Variants in NINL observed in about 807,000 individuals in gnomAD.
NINL encodes ninein like, also known as ninein-like protein.
A neutral mutation model predicts 160.3 loss-of-function variants in NINL; 153 were observed. That is an observed-to-expected ratio of 0.95 (90% confidence interval 0.84 to 1.09). The LOEUF is 1.09. NINL is among the 50% of genes least tolerant of loss of function. The pLI is 0.00. For missense variants in NINL, 1,829 were observed against 1,764.0 expected, an observed-to-expected ratio of 1.04 and a Z score of -0.66; for synonymous variants, 800 against 734.8, an observed-to-expected ratio of 1.09 and a Z score of -1.43.
At chr20:25,477,198 G>A (rs1185681122) in intron 16 of NINL, 109 bp from the exon 17 acceptor site, 1 of 1,098,318 alleles carries the variant, frequency 9.1e-7, no homozygotes, top group Admixed American at 2.8e-5. Context: ...CTCTGTGGTT[G>A]GCTTTCTTTA....
intron 1 of NINL, among the ~76,000 whole-genome samples, chr20:25,549,529 A>G (rs1274736867): frequency 6.6e-6 from 1 of 152,226 alleles, no homozygotes; most frequent in Non-Finnish European, 1.5e-5. Context: ...ACCCTCCATC[A>G]ATGTCTGCTG....
At chr20:25,532,055 T>C (rs1016168768) in intron 1 of NINL, among the ~76,000 whole-genome samples, 1 of 152,168 alleles carries the variant, frequency 6.6e-6, no homozygotes, top group African/African-American at 2.4e-5. Context: ...GACAGCTCTG[T>C]GTGTGGCCAG....
intron 7 of NINL, among the ~76,000 whole-genome samples, chr20:25,502,832 C>A (rs536770255): frequency 6.6e-6 from 1 of 152,298 alleles, no homozygotes; most frequent in African/African-American, 2.4e-5. Flanking sequence ...GAGGCCTCCC[C>A]AGAAGCAGCC....
chr20:25,466,802 A>T (rs1383981686), intron 19 of NINL, among the ~76,000 whole-genome samples: 1 of 151,864 alleles, frequency 6.6e-6, no homozygotes, highest in Non-Finnish European at 1.5e-5. Flanking sequence ...TGTGTCTCAA[A>T]AAAAACCCCC....
In NINL at chr20:25,462,554, G is replaced by A; in HGVS notation, c.3424-13C>T. 6.3e-7 allele frequency: 1 copy of A among 1,590,394 alleles called. No individual in the cohort carries two copies. Among genetic ancestry groups the A allele is most frequent in the South Asian group, 1.2e-5 (1 of 86,802 alleles). ...TGTAGTTCTGATTCTGGGGGAAAAA[G>A]TTTTTAAATACATAAGAAAAAAATG... On this transcript the variant is annotated splice_polypyrimidine_tract_variant and intron_variant, in intron 19 of 23. Coordinates refer to ENST00000278886, the MANE Select transcript of NINL (RefSeq NM_025176.6).
In NINL at chr20:25,461,502, C is replaced by A; in HGVS notation, c.3696+20G>T. On this transcript the variant is annotated intron_variant, in intron 21 of 23. Coordinates refer to ENST00000278886, the MANE Select transcript of NINL (RefSeq NM_025176.6). ...CAGGTGGGACTGGACCCAGTGCCTC[C>A]AGCCATCGCTCACACCCACCTGGTC... 1 of 1,461,114 alleles carries A rather than the reference C, an allele frequency of 6.8e-7. No homozygotes were observed. The highest frequency in any genetic ancestry group is 2.2e-5 in the Admixed American group (1 of 45,328). The allele number at this position is 1,461,114 out of a possible 1,614,324, so 90.5% of individuals were successfully genotyped here. A position where few individuals can be genotyped will look rare whatever the true frequency, so the allele number is the denominator to read the frequency against.
At chr20:25,499,680 G>C (rs1374374142) in intron 8 of NINL, among the ~76,000 whole-genome samples, 1 of 152,066 alleles carries the variant, frequency 6.6e-6, no homozygotes, top group Admixed American at 6.6e-5. Flanking sequence ...CGCCAATGAG[G>C]GTCTTGGTCT....
intron 1 of NINL, 137 bp downstream of exon 1, chr20:25,585,318 A>T (rs2065217343): frequency 6.6e-6 from 1 of 152,204 alleles, no homozygotes; most frequent in Admixed American, 6.5e-5. Context: ...TGCGCCCCGC[A>T]CCGCGAGGAG....
At position 25,458,274 on chromosome 20, in the gene NINL, G is replaced by A. The variant is rs1257432654; in HGVS notation, c.3843+109C>T. 9 of 1,373,292 alleles carry A rather than the reference G, an allele frequency of 6.6e-6. No homozygotes were observed. The East Asian group carries it at 6.8e-5, about 10-fold the overall frequency. 85.1% of individuals were successfully genotyped at this position (1,373,292 alleles called of 1,614,324 possible). ...CCTTACCATCTGACATGCTACATAC[G>A]TGACTCATGTATTCACAGTTGTGCA... is the stretch of plus-strand genomic sequence containing the variant. On this transcript the variant is annotated intron_variant, in intron 22 of 23. Coordinates refer to ENST00000278886, the MANE Select transcript of NINL (RefSeq NM_025176.6).
chr20:25,465,587 G>A (rs1353508671), intron 19 of NINL, among the ~76,000 whole-genome samples: 1 of 152,038 alleles, frequency 6.6e-6, no homozygotes, highest in East Asian at 1.9e-4. Flanking sequence ...GGTCCCCGAC[G>A]ACTCCAACCC....
chr20:25,461,045 C>T (rs1174983467), intron 21 of NINL, among the ~76,000 whole-genome samples: 4 of 152,202 alleles, frequency 2.6e-5, no homozygotes, highest in East Asian at 1.9e-4. Context: ...TCCCGGACCA[C>T]GAGCCCCTGC....
At chr20:25,537,332 C>T (rs953475097) in intron 1 of NINL, among the ~76,000 whole-genome samples, 6 of 152,212 alleles carry the variant, frequency 3.9e-5, no homozygotes, top group African/African-American at 7.2e-5. Context: ...ATCCTTCTAC[C>T]GGGGCCTCCC....
rs76432372 is a variant in NINL at position 25,565,667 on chromosome 20, T to G, written c.-12+19788A>C. Among the ~76,000 whole-genome samples, 511 of 152,278 alleles carry G rather than the reference T, an allele frequency of 3.4e-3. 2 individuals are homozygous for G. The highest frequency in any genetic ancestry group is 0.012 in the African/African-American group (492 of 41,536). On this transcript the variant is annotated intron_variant, in intron 1 of 23. Transcript: ENST00000278886. ...CATCTTGACTGAATAAAGAAATACG[T>G]AGAAACCCGCTAGGGCATTATGTTT...
chr20:25,572,767 G>A (rs2065068776), intron 1 of NINL, among the ~76,000 whole-genome samples: 1 of 152,138 alleles, frequency 6.6e-6, no homozygotes, highest in Admixed American at 6.5e-5. Flanking sequence ...CACGGAAAAT[G>A]TCTCTTCCAG....
At chr20:25,569,284 G>A (rs1280402808) in intron 1 of NINL, among the ~76,000 whole-genome samples, 1 of 151,152 alleles carries the variant, frequency 6.6e-6, no homozygotes, top group African/African-American at 2.4e-5. Context: ...ATTAGTAATA[G>A]AAAGATACAA....
rs1285639330 is a variant in NINL, at chr20:25,476,613, G to A, written c.2678C>T (p.Pro893Leu). ...QDTEATQSPA[P>L]APAPASHGPS... ...GCCGTGGGATGCCGGGGCAGGGGCG[G>A]GGGCCGGGCTCTGCGTAGCTTCTGT... The change falls in exon 17 of 24, where the codon CCC (proline) becomes CTC (leucine). Residue 893 changes from proline to leucine, a missense_variant. Transcript: ENST00000278886. The A allele has an allele frequency of 6.3e-7, 1 of 1,595,104 alleles. No homozygotes were observed. Among genetic ancestry groups the A allele is most frequent in the Admixed American group, 1.7e-5 (1 of 59,406 alleles).
At chr20:25,507,669 C>T (rs1430439090) in intron 5 of NINL, among the ~76,000 whole-genome samples, 1 of 152,186 alleles carries the variant, frequency 6.6e-6, no homozygotes, top group African/African-American at 2.4e-5. Context: ...GATAACCCTG[C>T]TGGTAACGGG....
At chr20:25,522,128 G>A (rs1220054335) in intron 2 of NINL, among the ~76,000 whole-genome samples, 1 of 152,078 alleles carries the variant, frequency 6.6e-6, no homozygotes, top group Admixed American at 6.6e-5. Flanking sequence ...GACTGGTCTT[G>A]AACTCCTGAG....
intron 20 of NINL, 108 bp downstream of exon 20, chr20:25,462,275 C>T (rs1197226662): frequency 4.8e-6 from 5 of 1,037,556 alleles, no homozygotes; most frequent in Non-Finnish European, 6.8e-6. Context: ...TGGGAAGTCC[C>T]TCACTTCCCT....
Sources: allele counts gnomAD v4.1 joint callset (sites outside exome capture counted in the v4.1 genomes callset), GRCh38; gene constraint gnomAD v4.1.1; transcripts MANE v1.5; gene names NCBI Gene and HGNC (gene_info 2026-07-23, HGNC 2026-07-21).